TNC: variants seen among roughly 807,000 people sequenced by gnomAD.
TNC encodes tenascin.
In TNC, 109 loss-of-function variants were observed where a neutral mutation model predicts 202.4. The observed-to-expected ratio is 0.54, with a 90% CI of 0.46 to 0.63. The LOEUF (loss-of-function observed/expected upper bound fraction) is 0.63, where lower values mean the gene tolerates loss of function less well. Among genes scored for constraint, TNC ranks in the 30% least tolerant of loss-of-function variants. TNC has a pLI of 0.00. For missense variants in TNC, 2,756 were observed against 2,833.3 expected, an observed-to-expected ratio of 0.97 and a Z score of 0.62; for synonymous variants, 1,007 against 1,089.7, an observed-to-expected ratio of 0.92 and a Z score of 1.50.
chr9:115,021,177 CT>C lies in TNC; in HGVS notation c.6585del (p.Gly2196AlafsTer44). On this transcript the variant is annotated frameshift_variant, in exon 28 of 28. Transcript: ENST00000350763. LOFTEE classifies it high-confidence loss of function. ...GGAATTTATGCCCGTTTGCGCCTGC[CT>C]TCAAGATTTCTGAAGTTGCTTGGTC... ...KLRPSNFRNL[E>X]GRRKRA is the part of the protein sequence containing the mutation. 1 of 1,613,930 alleles carries C rather than the reference CT, an allele frequency of 6.2e-7. No homozygotes were observed. The highest frequency in any genetic ancestry group is 8.5e-7 in the Non-Finnish European group (1 of 1,179,948).
At chr9:115,115,648 A>G (rs1365819164) in intron 1 of TNC, among the ~76,000 whole-genome samples, 1 of 152,120 alleles carries the variant, frequency 6.6e-6, no homozygotes, top group African/African-American at 2.4e-5. Context: ...CTATTACACT[A>G]TTTGTGGACT....
In TNC at chr9:115,090,726, A is replaced by G. The variant is rs1219362378; in HGVS notation, c.293T>C (p.Ile98Thr). The change falls in exon 2 of 28, where the codon ATT becomes ACT. Residue 98 changes from isoleucine (I) to threonine (T), a missense_variant. By Grantham distance (89) the Ile-to-Thr change is moderately conservative. Coordinates refer to ENST00000350763, the MANE Select transcript of TNC (RefSeq NM_002160.4). ...GATGTTGATGCGATGTGTGAAGACA[A>G]TCTGGTTTTCCCCATCCACTGTGTG... ...QEHTVDGENQIVFTHRINIPR... is the reference protein window; with the variant it reads ...QEHTVDGENQTVFTHRINIPR... The G allele has an allele frequency of 3.1e-6, 5 of 1,614,198 alleles. No homozygotes were observed. Among genetic ancestry groups the G allele is most frequent in the East Asian group, 2.2e-5 (1 of 44,878 alleles).
chr9:115,085,740 A>G (rs2133429612), intron 3 of TNC, 124 bp downstream of exon 3: 2 of 963,174 alleles, frequency 2.1e-6, no homozygotes, highest in Middle Eastern at 4.4e-4. Context: ...TTAAATGGAT[A>G]TATTAATACG....
At chr9:115,080,441 A>AT (rs1189880536) in intron 6 of TNC, among the ~76,000 whole-genome samples, 1 of 152,182 alleles carries the variant, frequency 6.6e-6, no homozygotes, top group African/African-American at 2.4e-5. Context: ...GCTAGGCAAA[A>AT]TGTGCAAATA....
intron 16 of TNC, among the ~76,000 whole-genome samples, chr9:115,047,183 A>T (rs1433672360): frequency 1.4e-5 from 2 of 146,224 alleles, no homozygotes; most frequent in African/African-American, 2.5e-5. Context: ...TTAAAATGTT[A>T]TGGTCTTTTT....
intron 1 of TNC, among the ~76,000 whole-genome samples, chr9:115,114,651 T>C (rs541225400): frequency 6.6e-6 from 1 of 152,320 alleles, no homozygotes; most frequent in African/African-American, 2.4e-5. Flanking sequence ...ATCTTGATCA[T>C]TCACTGAAAG....
At chr9:115,080,424 G>T (rs1834216358) in intron 6 of TNC, among the ~76,000 whole-genome samples, 1 of 152,088 alleles carries the variant, frequency 6.6e-6, no homozygotes, top group South Asian at 2.1e-4. Flanking sequence ...CTTTGAATTG[G>T]CTCTGAGCTA....
intron 1 of TNC, among the ~76,000 whole-genome samples, chr9:115,093,490 A>G (rs999511539): frequency 6.6e-6 from 1 of 152,162 alleles, no homozygotes; most frequent in Non-Finnish European, 1.5e-5. Context: ...CTCCTTTCAA[A>G]CCAATTTGGC....
chr9:115,113,742 C>T (rs1486727825), intron 1 of TNC, among the ~76,000 whole-genome samples: 1 of 152,192 alleles, frequency 6.6e-6, no homozygotes, highest in African/African-American at 2.4e-5. Context: ...GCATGAAATA[C>T]ATATTTTTAA....
At chr9:115,065,029 A>C in intron 10 of TNC, 110 bp from the exon 11 acceptor site, 1 of 1,288,544 alleles carries the variant, frequency 7.8e-7, no homozygotes, top group African/African-American at 1.5e-5. Context: ...TTGCAGTCCA[A>C]GTGCCAGGCT....
intron 8 of TNC, 61 bp downstream of exon 8, chr9:115,076,329 C>G (rs974091546): frequency 3.2e-6 from 5 of 1,578,008 alleles, no homozygotes; most frequent in Non-Finnish European, 4.3e-6. Flanking sequence ...GGAGCAGGTG[C>G]CCATCCTTTA....
At position 115,048,427 on chromosome 9, in the gene TNC, G is replaced by T; in HGVS notation, c.4685C>A (p.Thr1562Lys). The T allele has an allele frequency of 1.2e-6, 2 of 1,614,022 alleles. No homozygotes were observed. The highest frequency in any genetic ancestry group is 1.7e-6 in the Non-Finnish European group (2 of 1,179,960). Reference sequence around the variant, plus strand: ...CAGCAGCTTCCCAGAATCCACCACCGTTACTAGAAAGCTGTCAAAGGCATT... The same window carrying T: ...CAGCAGCTTCCCAGAATCCACCACCTTTACTAGAAAGCTGTCAAAGGCATT... ...SENAFDSFLV[T>K]VVDSGKLLDP... The change falls in exon 16 of 28, where the codon ACG becomes AAG. Residue 1562 changes from threonine to lysine, a missense_variant. By Grantham distance (78) the Thr-to-Lys change is moderately conservative (BLOSUM62 -1). Around this residue, in one of 2 missense-constraint regions of TNC, gnomAD observed 2,559 missense variants for 2,546.0 expected, o/e 1.01. Coordinates refer to ENST00000350763, the MANE Select transcript of TNC (RefSeq NM_002160.4).
rs1015285882 is a variant in TNC, at chr9:115,021,649, G to A, written c.6496-382C>T. Among the ~76,000 whole-genome samples, 15 of 152,184 alleles carry A rather than the reference G, an allele frequency of 9.9e-5. 1 individual carries two copies. The highest frequency in any genetic ancestry group is 1.3e-4 in the Admixed American group (2 of 15,286). ...AATTGAATAGCTACATACATGGTGT[G>A]TGTGTGTGTGTCTGTAATTCACGAG... On this transcript the variant is annotated intron_variant, in intron 27 of 27. Transcript: ENST00000350763.
At position 115,090,931 on chromosome 9, in the gene TNC, G is replaced by T. The variant is rs149187112; in HGVS notation, c.88C>A (p.Arg30=). ...TTCACCCCACTCTGTCGCTTGTGCC[G>T]GATGACTTTCTTGAGGACCCCACCT... is the stretch of plus-strand genomic sequence containing the variant. ...TEGGVLKKVI[R]HKRQSGVNAT... is the part of the protein sequence containing the mutation. Residue 30 remains arginine (R), a synonymous_variant, in exon 2 of 28, where the codon CGG becomes AGG. Coordinates refer to ENST00000350763, the MANE Select transcript of TNC (RefSeq NM_002160.4). 1.7e-5 allele frequency: 27 copies of T among 1,614,074 alleles called. No homozygotes were observed. Among genetic ancestry groups the T allele is most frequent in the Non-Finnish European group, 2.0e-5 (24 of 1,180,016 alleles).
At chr9:115,066,626 C>T (rs989795548) in intron 10 of TNC, among the ~76,000 whole-genome samples, 3 of 152,174 alleles carry the variant, frequency 2.0e-5, no homozygotes, top group Non-Finnish European at 2.9e-5. Flanking sequence ...AACAGAGGTC[C>T]GCAAACTGTT....
chr9:115,052,679 T>G (rs1831787114), intron 15 of TNC: 11 of 642,880 alleles, frequency 1.7e-5, no homozygotes, highest in South Asian at 1.2e-4. Flanking sequence ...GAATTTTCCT[T>G]TAAGATGACT....
At chr9:115,027,566 G>A (rs374989643) in intron 25 of TNC, among the ~76,000 whole-genome samples, 52 of 152,154 alleles carry the variant, frequency 3.4e-4, no homozygotes, top group East Asian at 1.4e-3. Context: ...TTCCAGCCTC[G>A]GCGACAGAGT....
chr9:115,109,734 G>A (rs1443576808), intron 1 of TNC, among the ~76,000 whole-genome samples: 1 of 152,200 alleles, frequency 6.6e-6, no homozygotes, highest in Admixed American at 6.5e-5. Flanking sequence ...CACATTCCTT[G>A]AGGTCTGTGT....
intron 13 of TNC, among the ~76,000 whole-genome samples, chr9:115,061,151 C>G (rs1832514782): frequency 6.6e-6 from 1 of 152,134 alleles, no homozygotes; most frequent in Non-Finnish European, 1.5e-5. Context: ...AGAATATCTG[C>G]AGGGATTTCA....
Sources: allele counts gnomAD v4.1 joint callset (sites outside exome capture counted in the v4.1 genomes callset), GRCh38; gene constraint gnomAD v4.1.1; regional missense constraint gnomAD v4.1.1; transcripts MANE v1.5; gene names NCBI Gene and HGNC (gene_info 2026-07-23, HGNC 2026-07-21).